The following KIF13B variants were observed in gnomAD, a reference collection of about 807,000 sequenced individuals.
KIF13B encodes the protein kinesin family member 13B.
A neutral mutation model predicts 222.0 loss-of-function variants in KIF13B; 127 were observed. The observed-to-expected ratio is 0.57, with a 90% CI of 0.50 to 0.66. The LOEUF is 0.66. KIF13B is among the 30% of genes least tolerant of loss of function. KIF13B has a pLI of 0.00. For missense variants in KIF13B, 2,173 were observed against 2,379.0 expected (o/e 0.91, Z 1.80); for synonymous variants, 976 against 919.0 (o/e 1.06, Z -1.12).
chr8:29,243,348 CAAAA>C (rs777503766), intron 2 of KIF13B, among the ~76,000 whole-genome samples: 1 of 110,720 alleles, frequency 9.0e-6, no homozygotes. Context: ...GACCCAGTCT[CAAAA>C]AAAAAAAAAA....
At chr8:29,120,019 T>C (rs1809782694) in intron 29 of KIF13B, among the ~76,000 whole-genome samples, 1 of 152,224 alleles carries the variant, frequency 6.6e-6, no homozygotes, top group South Asian at 2.1e-4. Flanking sequence ...AACTGCTGAC[T>C]TCTAACTTAT....
chr8:29,071,911 C>T lies in KIF13B; in HGVS notation c.4927G>A (p.Gly1643Ser), dbSNP rs1236344519. ...ERPDLEAPAP[G>S]SPFRVRRVRA... ...ACCCTCCGGACGCGGAACGGGGAGC[C>T]GGGCGCCGGGGCCTCGAGGTCGGGG... The change falls in exon 39 of 40, where the codon GGC (glycine) becomes AGC (serine). Residue 1643 changes from glycine (G) to serine (S), a missense_variant. This residue lies in a region of KIF13B where 693 missense variants were observed against 656.2 expected (regional missense o/e 1.06). Coordinates refer to ENST00000524189, the MANE Select transcript of KIF13B (RefSeq NM_015254.4). The surrounding 1 kb of genome is among the most constrained non-coding windows in gnomAD (Gnocchi z 4.9). 1 of 1,448,506 alleles carries T rather than the reference C, an allele frequency of 6.9e-7. No individual in the cohort carries two copies. The allele number at this position is 1,448,506 out of a possible 1,614,324, so 89.7% of individuals were successfully genotyped here. A position where few individuals can be genotyped will look rare whatever the true frequency, so the allele number is the denominator to read the frequency against.
chr8:29,221,934 G>A (rs555650100), intron 2 of KIF13B, among the ~76,000 whole-genome samples: 15 of 151,924 alleles, frequency 9.9e-5, no homozygotes, highest in African/African-American at 2.9e-4. Context: ...TTGAATAGTC[G>A]GTAGTTTTCT....
At chr8:29,090,442 G>A (rs374723391) in intron 37 of KIF13B, among the ~76,000 whole-genome samples, 7 of 152,244 alleles carry the variant, frequency 4.6e-5, no homozygotes, top group Non-Finnish European at 8.8e-5. Context: ...AGTCCCAGGA[G>A]TGGATCGCGG....
chr8:29,098,048 G>A (rs980078749), intron 36 of KIF13B, among the ~76,000 whole-genome samples: 3 of 151,520 alleles, frequency 2.0e-5, no homozygotes, highest in Non-Finnish European at 4.4e-5. Flanking sequence ...GCACGTGCCT[G>A]CAGTCCCAGC....
In KIF13B at chr8:29,197,359, A is replaced by AAAAAT. The variant is rs750396323; in HGVS notation, c.150-1161_150-1160insATTTT. Among the ~76,000 whole-genome samples, 23 of 148,288 alleles carry AAAAAT rather than the reference A, an allele frequency of 1.6e-4. 1 individual carries two copies. The highest frequency in any genetic ancestry group is 5.5e-4 in the African/African-American group (22 of 39,894). On this transcript the variant is annotated intron_variant, in intron 2 of 39. Transcript: ENST00000524189. The stretch of plus-strand genomic sequence containing the variant: ...CTCAAAAAAAAAAAAAAAAAAAAAA[A>AAAAAT]AACTCAATATATACAGTCAATGTAA...
At chr8:29,197,914 CAAT>C (rs749724005) in intron 2 of KIF13B, among the ~76,000 whole-genome samples, 3 of 152,156 alleles carry the variant, frequency 2.0e-5, no homozygotes, top group Non-Finnish European at 4.4e-5. Flanking sequence ...AAAATAGGAA[CAAT>C]AATAATTGGC....
intron 36 of KIF13B, among the ~76,000 whole-genome samples, chr8:29,094,970 TAA>T (rs34939158): frequency 7.3e-6 from 1 of 137,778 alleles, no homozygotes. Context: ...ATAAAAAGAT[TAA>T]AAAAAAAAAA....
At chr8:29,227,183 C>G (rs1815063051) in intron 2 of KIF13B, among the ~76,000 whole-genome samples, 1 of 152,146 alleles carries the variant, frequency 6.6e-6, no homozygotes, top group Admixed American at 6.5e-5. Flanking sequence ...ACATAAAATA[C>G]TTATTTCAAT....
At position 29,133,922 on chromosome 8, in the gene KIF13B, T is replaced by C. The variant is rs536204496; in HGVS notation, c.2784+118A>G. 2.5e-5 allele frequency: 25 copies of C among 981,886 alleles called. No individual in the cohort carries two copies. In the African/African-American group the frequency reaches 2.9e-4, roughly 12 times the overall value. 60.8% of individuals were successfully genotyped at this position (981,886 alleles called of 1,614,324 possible). Reference sequence around the variant, plus strand: ...CACTTTTTACTCAATCCCCACACTCTACAGAAACTGCTCCAAGACATATAA... The same window carrying C: ...CACTTTTTACTCAATCCCCACACTCCACAGAAACTGCTCCAAGACATATAA... On this transcript the variant is annotated intron_variant, in intron 22 of 39. Coordinates refer to ENST00000524189, the MANE Select transcript of KIF13B (RefSeq NM_015254.4).
At chr8:29,114,787 G>A (rs1387886148) in intron 31 of KIF13B, among the ~76,000 whole-genome samples, 4 of 152,124 alleles carry the variant, frequency 2.6e-5, no homozygotes, top group East Asian at 1.9e-4. Context: ...AGCAACATGC[G>A]GCGACTATAC....
intron 19 of KIF13B, among the ~76,000 whole-genome samples, chr8:29,140,915 C>A (rs1019224161): frequency 1.3e-5 from 2 of 152,098 alleles, no homozygotes; most frequent in African/African-American, 4.8e-5. Context: ...GGAAATTTTG[C>A]CACAAAATAA....
At chr8:29,122,722 T>C (rs1809931300) in intron 28 of KIF13B, 76 bp from the exon 29 acceptor site, 1 of 1,179,970 alleles carries the variant, frequency 8.5e-7, no homozygotes, top group African/African-American at 1.5e-5. Flanking sequence ...ACAGCCTTAA[T>C]GGCATTCAGG....
chr8:29,077,339 C>T (rs751560088), intron 37 of KIF13B, among the ~76,000 whole-genome samples: 8 of 152,362 alleles, frequency 5.3e-5, no homozygotes, highest in South Asian at 2.1e-4. Context: ...GGCTCAAGCA[C>T]GCGTCCCACA....
chr8:29,145,216 G>C (rs753454566), intron 18 of KIF13B, among the ~76,000 whole-genome samples: 1 of 152,142 alleles, frequency 6.6e-6, no homozygotes, highest in African/African-American at 2.4e-5. Flanking sequence ...ACAATGATCT[G>C]TAAAGTAACG....
intron 4 of KIF13B, chr8:29,190,582 T>C (rs149573491): frequency 5.7e-5 from 10 of 176,772 alleles, no homozygotes; most frequent in Admixed American, 1.8e-4. Context: ...AGTGTTTCCC[T>C]GAGTTCTGTG....
chr8:29,134,609 G>A (rs921985933), intron 21 of KIF13B, among the ~76,000 whole-genome samples: 12 of 152,174 alleles, frequency 7.9e-5, no homozygotes, highest in African/African-American at 2.7e-4. Flanking sequence ...CAGGCATAGC[G>A]AATGAAGAAC....
intron 29 of KIF13B, among the ~76,000 whole-genome samples, chr8:29,119,486 C>T (rs1188953740): frequency 6.6e-6 from 1 of 152,184 alleles, no homozygotes; most frequent in Non-Finnish European, 1.5e-5. Context: ...TCACCTGGAG[C>T]TCGTGGGCAG....
chr8:29,225,890 A>T (rs1374191528), intron 2 of KIF13B, among the ~76,000 whole-genome samples: 1 of 152,220 alleles, frequency 6.6e-6, no homozygotes, highest in Non-Finnish European at 1.5e-5. Context: ...AGCAAAGGAA[A>T]CACTGACAAT....
Sources: gnomAD v4.1 joint callset for allele counts (sites outside exome capture counted in the v4.1 genomes callset) on GRCh38, gnomAD v4.1.1 for gene constraint, gnomAD v4.1.1 regional missense constraint, Gnocchi (gnomAD v3.1) non-coding constraint, MANE v1.5 for transcripts, NCBI Gene and HGNC (gene_info 2026-07-23, HGNC 2026-07-21) for gene names.